The following ARHGAP28 variants were observed in gnomAD, a reference collection of about 807,000 sequenced individuals.
ARHGAP28 encodes Rho GTPase activating protein 28, also known as rho GTPase-activating protein 28.
In ARHGAP28, 56 loss-of-function variants were observed where a neutral mutation model predicts 90.7. The observed-to-expected ratio is 0.62, with a 90% confidence interval of 0.50 to 0.77. The LOEUF (loss-of-function observed/expected upper bound fraction) is 0.77, where lower values mean the gene tolerates loss of function less well. Among genes scored for constraint, ARHGAP28 ranks in the 30% least tolerant of loss-of-function variants. ARHGAP28 has a pLI of 0.00. For missense variants in ARHGAP28, 869 were observed against 900.9 expected, an observed-to-expected ratio of 0.96 and a Z score of 0.45; for synonymous variants, 308 against 323.3, an observed-to-expected ratio of 0.95 and a Z score of 0.51.
chr18:6,841,203 C>CCTCTCTCTCTCT (rs1555631524), intron 3 of ARHGAP28, among the ~76,000 whole-genome samples: 2 of 41,978 alleles, frequency 4.8e-5, no homozygotes, highest in Non-Finnish European at 4.2e-5. Context: ...CTCTCTCTCT[C>CCTCTCTCTCTCT]CTCTCCTCTC....
At chr18:6,822,407 C>T (rs1167988796) in intron 1 of ARHGAP28, among the ~76,000 whole-genome samples, 2 of 152,158 alleles carry the variant, frequency 1.3e-5, no homozygotes, top group East Asian at 3.9e-4. Flanking sequence ...TGTTTATATA[C>T]TAGTACTCTA....
chr18:6,862,782 C>T (rs2057008651), intron 5 of ARHGAP28, among the ~76,000 whole-genome samples: 1 of 152,132 alleles, frequency 6.6e-6, no homozygotes, highest in African/African-American at 2.4e-5. Context: ...TGAGTCTTCC[C>T]ATTGAGGAAT....
At chr18:6,827,879 A>C (rs1232720077) in intron 2 of ARHGAP28, among the ~76,000 whole-genome samples, 6 of 144,258 alleles carry the variant, frequency 4.2e-5, no homozygotes, top group Admixed American at 2.0e-4. Context: ...GGCGGCCGGG[A>C]AGAGGCGCTC....
At chr18:6,733,141 G>A (rs946270635) in intron 1 of ARHGAP28, among the ~76,000 whole-genome samples, 1 of 152,162 alleles carries the variant, frequency 6.6e-6, no homozygotes, top group Admixed American at 6.5e-5. Context: ...TCACATAAAT[G>A]CACTGGCCTT....
At chr18:6,911,594 C>G (rs111732026) in intron 17 of ARHGAP28, among the ~76,000 whole-genome samples, 38,597 of 151,912 alleles carry the variant, frequency 0.25, 5,549 homozygotes, top group East Asian at 0.35. Context: ...TACCACCACA[C>G]CTGGCTAATT....
chr18:6,862,644 A>T (rs1450690779), intron 5 of ARHGAP28, among the ~76,000 whole-genome samples: 1 of 152,030 alleles, frequency 6.6e-6, no homozygotes, highest in Non-Finnish European at 1.5e-5. Flanking sequence ...CTTCTTAGAA[A>T]TTTTTTCTTC....
intron 3 of ARHGAP28, among the ~76,000 whole-genome samples, chr18:6,841,208 C>CCTCTCTCTCTCTCTCCT (rs2056822395): frequency 2.3e-5 from 1 of 43,136 alleles, no homozygotes; most frequent in Non-Finnish European, 4.5e-5. Context: ...TCTCTCCTCT[C>CCTCTCTCTCTCTCTCCT]CTCTCTCTCT....
At chr18:6,862,255 A>T (rs543994025) in intron 5 of ARHGAP28, among the ~76,000 whole-genome samples, 48 of 152,108 alleles carry the variant, frequency 3.2e-4, no homozygotes, top group Non-Finnish European at 6.2e-4. Flanking sequence ...GATATCCGGT[A>T]ATCAAATGAA....
At chr18:6,835,063 CA>C (rs2056743216) in intron 2 of ARHGAP28, among the ~76,000 whole-genome samples, 2 of 152,076 alleles carry the variant, frequency 1.3e-5, no homozygotes, top group African/African-American at 4.8e-5. Context: ...AGTGAGCAGC[CA>C]ACAGGAGTAA....
At chr18:6,856,846 A>C (rs112476910) in intron 4 of ARHGAP28, among the ~76,000 whole-genome samples, 24 of 152,340 alleles carry the variant, frequency 1.6e-4, no homozygotes, top group African/African-American at 5.5e-4. Flanking sequence ...CCCATTTCAT[A>C]TAAGTCTAAT....
chr18:6,762,427 A>G (rs1234227599), intron 1 of ARHGAP28, among the ~76,000 whole-genome samples: 1 of 152,150 alleles, frequency 6.6e-6, no homozygotes, highest in African/African-American at 2.4e-5. Context: ...TTTTCAGTCT[A>G]TACTGCAAAA....
chr18:6,851,250 C>CA (rs1298098328), intron 4 of ARHGAP28, 124 bp downstream of exon 4: 2 of 803,352 alleles, frequency 2.5e-6, no homozygotes, highest in Non-Finnish European at 2.0e-6. Flanking sequence ...GATTTCAACA[C>CA]ACTTATCTAC....
In ARHGAP28 at chr18:6,909,000, T is replaced by C. The variant is rs556949087; in HGVS notation, c.2071T>C (p.Leu691=). Residue 691 remains leucine, a synonymous_variant, in exon 17 of 18, where the codon TTA becomes CTA. Coordinates refer to ENST00000383472, the MANE Select transcript of ARHGAP28 (RefSeq NM_001366230.1). ...SECIKIQNQR[L]YEIGGNIGEH... ...ATGTATTAAGATTCAGAACCAAAGG[T>C]TATATGAAATTGGAGGAAATATAGG... 1.4e-5 allele frequency: 21 copies of C among 1,535,050 alleles called. No homozygotes were observed. In the South Asian group the frequency reaches 2.2e-4, roughly 16 times the overall value.
chr18:6,854,049 A>G (rs556658862), intron 4 of ARHGAP28, among the ~76,000 whole-genome samples: 1 of 152,118 alleles, frequency 6.6e-6, no homozygotes, highest in South Asian at 2.1e-4. Flanking sequence ...AATGGCAACT[A>G]AAAAACAGCT....
intron 1 of ARHGAP28, among the ~76,000 whole-genome samples, chr18:6,795,599 T>C (rs537996982): frequency 6.6e-6 from 1 of 152,350 alleles, no homozygotes; most frequent in African/African-American, 2.4e-5. Context: ...CCATGGACTA[T>C]GCATAAGCAA....
chr18:6,882,012 C>T, intron 10 of ARHGAP28, 125 bp from the exon 11 acceptor site: 1 of 816,940 alleles, frequency 1.2e-6, no homozygotes, highest in Non-Finnish European at 1.8e-6. Flanking sequence ...AAAAATTACT[C>T]TTGGTAGACA....
intron 1 of ARHGAP28, among the ~76,000 whole-genome samples, chr18:6,736,333 T>TA (rs534649483): frequency 6.6e-4 from 101 of 152,064 alleles, no homozygotes; most frequent in Non-Finnish European, 1.4e-3. Context: ...ACACAAAGTA[T>TA]AAAAAATGTT....
At chr18:6,858,036 C>A (rs1219579288) in intron 4 of ARHGAP28, among the ~76,000 whole-genome samples, 1 of 152,250 alleles carries the variant, frequency 6.6e-6, no homozygotes, top group Admixed American at 6.5e-5. Context: ...ATTTCTTGTT[C>A]TCCCCTCCAT....
intron 1 of ARHGAP28, among the ~76,000 whole-genome samples, chr18:6,813,933 G>C (rs1267556293): frequency 6.6e-6 from 1 of 152,056 alleles, no homozygotes; most frequent in African/African-American, 2.4e-5. Context: ...TGTTTCATTG[G>C]AAACCCTAGT....
Sources: gnomAD v4.1 joint callset for allele counts (sites outside exome capture counted in the v4.1 genomes callset) on GRCh38, gnomAD v4.1.1 for gene constraint, MANE v1.5 for transcripts, NCBI Gene and HGNC (gene_info 2026-07-23, HGNC 2026-07-21) for gene names.